The following SLC9A9 variants were observed in gnomAD, a reference collection of about 807,000 sequenced individuals.
SLC9A9 encodes solute carrier family 9 member A9, also known as sodium/hydrogen exchanger 9.
Under a neutral mutation model 77.8 loss-of-function variants are expected in SLC9A9, and 62 were observed. The observed-to-expected ratio is 0.80, with a 90% CI of 0.65 to 0.98. SLC9A9 has a LOEUF of 0.98. SLC9A9 is among the 50% of genes least tolerant of loss of function. SLC9A9 has a pLI of 0.00. For missense variants in SLC9A9, 775 were observed against 774.9 expected (o/e 1.00, Z 0.00); for synonymous variants, 320 against 283.5 (o/e 1.13, Z -1.29).
At chr3:143,267,481 C>G (rs1937764056) in intron 15 of SLC9A9, among the ~76,000 whole-genome samples, 1 of 151,300 alleles carries the variant, frequency 6.6e-6, no homozygotes. Context: ...TCGCGAGTAG[C>G]TGGGATTACA....
At chr3:143,848,112 C>G in intron 1 of SLC9A9, 36 bp downstream of exon 1, 1 of 1,591,524 alleles carries the variant, frequency 6.3e-7, no homozygotes. Context: ...GCTCAAGCAA[C>G]AAGTTTCACA....
intron 9 of SLC9A9, among the ~76,000 whole-genome samples, chr3:143,509,691 G>C (rs2036082696): frequency 6.6e-6 from 1 of 152,066 alleles, no homozygotes; most frequent in African/African-American, 2.4e-5. Context: ...AATCTGTTTA[G>C]GTCCTTCAAA....
At chr3:143,281,103 A>G (rs1938204601) in intron 14 of SLC9A9, among the ~76,000 whole-genome samples, 1 of 152,202 alleles carries the variant, frequency 6.6e-6, no homozygotes, top group Non-Finnish European at 1.5e-5. Flanking sequence ...AAGGGATAGC[A>G]TCACTTCTAC....
intron 12 of SLC9A9, among the ~76,000 whole-genome samples, chr3:143,382,413 C>T (rs956255470): frequency 6.6e-6 from 1 of 152,126 alleles, no homozygotes; most frequent in African/African-American, 2.4e-5. Context: ...AAAAGACCTC[C>T]ATAGCCCCAA....
intron 5 of SLC9A9, among the ~76,000 whole-genome samples, chr3:143,665,535 A>C (rs943137059): frequency 7.2e-5 from 11 of 152,192 alleles, no homozygotes; most frequent in African/African-American, 2.7e-4. Context: ...AAATCAATGA[A>C]TCCAGGAGCT....
intron 4 of SLC9A9, among the ~76,000 whole-genome samples, chr3:143,703,369 TCTC>T (rs1191679633): frequency 6.6e-6 from 1 of 151,990 alleles, no homozygotes; most frequent in African/African-American, 2.4e-5. Context: ...TCAAGCATCT[TCTC>T]TGACCATAAT....
intron 5 of SLC9A9, among the ~76,000 whole-genome samples, chr3:143,664,732 CAAAG>C (rs540120884): frequency 3.2e-4 from 49 of 152,158 alleles, no homozygotes; most frequent in Non-Finnish European, 5.7e-4. Flanking sequence ...TCAAAAGAGA[CAAAG>C]AAGGCCATTA....
chr3:143,427,671 C>T (rs2034431853), intron 12 of SLC9A9, among the ~76,000 whole-genome samples: 1 of 152,176 alleles, frequency 6.6e-6, no homozygotes, highest in African/African-American at 2.4e-5. Flanking sequence ...CCTTAAAGGG[C>T]CACAAGGCAA....
chr3:143,748,995 G>T (rs116219437), intron 4 of SLC9A9, among the ~76,000 whole-genome samples: 1 of 152,008 alleles, frequency 6.6e-6, no homozygotes, highest in Non-Finnish European at 1.5e-5. Context: ...GAGCCACCGC[G>T]CCCGGCCTGA....
chr3:143,580,571 A>G lies in SLC9A9; in HGVS notation c.756-1848T>C, dbSNP rs537501113. On this transcript the variant is annotated intron_variant, in intron 6 of 15. Transcript: ENST00000316549. ...CAGGAGATTTTATTAAAGAATATCTATGAAATCATAAGTTCGATGTGCTAA... is the reference window on the plus strand; with the variant it reads ...CAGGAGATTTTATTAAAGAATATCTGTGAAATCATAAGTTCGATGTGCTAA... 3.9e-5 allele frequency among the ~76,000 whole-genome samples: 6 copies of G among 152,374 alleles called. No homozygotes were observed. In the East Asian group the frequency reaches 5.8e-4, roughly 15 times the overall value.
At chr3:143,501,730 CTATT>C (rs1447410225) in intron 9 of SLC9A9, among the ~76,000 whole-genome samples, 8 of 150,956 alleles carry the variant, frequency 5.3e-5, no homozygotes, top group African/African-American at 1.7e-4. Flanking sequence ...CTCCTTTTGT[CTATT>C]TATATCACGT....
At chr3:143,825,174 T>C (rs1253551745) in intron 2 of SLC9A9, among the ~76,000 whole-genome samples, 1 of 152,154 alleles carries the variant, frequency 6.6e-6, no homozygotes, top group African/African-American at 2.4e-5. Context: ...TTCTTTTCAG[T>C]CCTTTGTTTA....
At chr3:143,340,344 G>A (rs2032058342) in intron 14 of SLC9A9, among the ~76,000 whole-genome samples, 1 of 152,150 alleles carries the variant, frequency 6.6e-6, no homozygotes, top group Non-Finnish European at 1.5e-5. Flanking sequence ...GAATACATTC[G>A]GGATTTTACT....
intron 14 of SLC9A9, among the ~76,000 whole-genome samples, chr3:143,312,857 C>T (rs764773267): frequency 1.3e-5 from 2 of 152,230 alleles, no homozygotes; most frequent in African/African-American, 4.8e-5. Flanking sequence ...CTCTAACCCT[C>T]GCTTTACGTC....
chr3:143,266,612 G>C lies in SLC9A9; in HGVS notation c.*90C>G. The C allele has an allele frequency of 7.7e-7, 1 of 1,306,232 alleles. No individual in the cohort carries two copies. Among genetic ancestry groups the C allele is most frequent in the Non-Finnish European group, 1.1e-6 (1 of 912,082 alleles). The allele number at this position is 1,306,232 out of a possible 1,614,324, so 80.9% of individuals were successfully genotyped here. ...ATTTATGCTCTTAATATGTTTTCCA[G>C]CCTCTCCCCTGTACTGCCTCATCAG... On this transcript the variant is annotated 3_prime_UTR_variant, in exon 16 of 16. Transcript: ENST00000316549.
chr3:143,601,715 A>G (rs2037847333), intron 6 of SLC9A9, among the ~76,000 whole-genome samples: 1 of 152,246 alleles, frequency 6.6e-6, no homozygotes, highest in Non-Finnish European at 1.5e-5. Context: ...TAAGTTTACT[A>G]TAAAGAATCT....
intron 4 of SLC9A9, among the ~76,000 whole-genome samples, chr3:143,785,264 C>T (rs2108850406): frequency 6.6e-6 from 1 of 152,324 alleles, no homozygotes; most frequent in East Asian, 1.9e-4. Context: ...TGTTGTCTGG[C>T]TTCTGAGACT....
At chr3:143,841,641 G>GA (rs1186494614) in intron 1 of SLC9A9, among the ~76,000 whole-genome samples, 1 of 152,140 alleles carries the variant, frequency 6.6e-6, no homozygotes, top group Non-Finnish European at 1.5e-5. Flanking sequence ...ACTGAGGGGG[G>GA]AGTCCTTCGA....
intron 4 of SLC9A9, among the ~76,000 whole-genome samples, chr3:143,732,886 G>A (rs929290310): frequency 7.9e-5 from 12 of 152,140 alleles, no homozygotes; most frequent in Admixed American, 2.6e-4. Context: ...AAATTCAGTC[G>A]CAACATAAGG....
Sources: allele counts gnomAD v4.1 joint callset (sites outside exome capture counted in the v4.1 genomes callset), GRCh38; gene constraint gnomAD v4.1.1; transcripts MANE v1.5; gene names NCBI Gene and HGNC (gene_info 2026-07-23, HGNC 2026-07-21).